The following ALK variants were observed in gnomAD, a reference collection of about 807,000 sequenced individuals.
The protein encoded by ALK is ALK receptor tyrosine kinase.
A neutral mutation model predicts 163.1 loss-of-function variants in ALK; 74 were observed. The observed-to-expected ratio is 0.45, with a 90% CI of 0.38 to 0.55. The LOEUF is 0.55. ALK is among the 20% of genes least tolerant of loss of function. The pLI, the probability that ALK is intolerant of heterozygous loss-of-function variation, is 0.00. For synonymous variants in ALK, 960 were observed against 843.2 expected (o/e 1.14, Z -2.40); for missense variants, 2,063 against 2,105.3 (o/e 0.98, Z 0.39).
chr2:29,806,960 C>T (rs1030807334), intron 1 of ALK, among the ~76,000 whole-genome samples: 1 of 152,204 alleles, frequency 6.6e-6, no homozygotes, highest in African/African-American at 2.4e-5. Flanking sequence ...CACATGTGCA[C>T]GTGCACGCAC....
intron 4 of ALK, among the ~76,000 whole-genome samples, chr2:29,456,709 TTTATG>T (rs1670964623): frequency 6.6e-6 from 1 of 152,196 alleles, no homozygotes; most frequent in South Asian, 2.1e-4. Flanking sequence ...AATGGTAAAT[TTTATG>T]TTATATGTAT....
intron 8 of ALK, among the ~76,000 whole-genome samples, chr2:29,314,731 CG>C (rs1473496463): frequency 6.6e-6 from 1 of 152,140 alleles, no homozygotes; most frequent in Admixed American, 6.5e-5. Flanking sequence ...GGCCTGAGAA[CG>C]TGGTTTAAAT....
intron 1 of ALK, among the ~76,000 whole-genome samples, chr2:29,792,542 C>A (rs1225670716): frequency 6.6e-6 from 1 of 152,084 alleles, no homozygotes; most frequent in Admixed American, 6.6e-5. Flanking sequence ...GTATTTCACA[C>A]ATCTTTAGAT....
At chr2:29,565,489 A>G (rs1462529954) in intron 3 of ALK, among the ~76,000 whole-genome samples, 1 of 152,210 alleles carries the variant, frequency 6.6e-6, no homozygotes, top group Non-Finnish European at 1.5e-5. Context: ...GGTATCAAGC[A>G]GGTGGATTAT....
intron 4 of ALK, among the ~76,000 whole-genome samples, chr2:29,527,055 GTTGCTGGCAT>G (rs1441930578): frequency 6.6e-6 from 1 of 152,196 alleles, no homozygotes; most frequent in African/African-American, 2.4e-5. Context: ...CTGAGGATAG[GTTGCTGGCAT>G]TGCCAGGACA....
chr2:29,799,373 T>C (rs1664404053), intron 1 of ALK, among the ~76,000 whole-genome samples: 1 of 152,088 alleles, frequency 6.6e-6, no homozygotes, highest in South Asian at 2.1e-4. Flanking sequence ...AAAACACTAA[T>C]AAAGTAATAG....
At chr2:29,276,869 T>C (rs538024677) in intron 9 of ALK, among the ~76,000 whole-genome samples, 1 of 152,274 alleles carries the variant, frequency 6.6e-6, no homozygotes, top group African/African-American at 2.4e-5. Flanking sequence ...ACCTAGGCTT[T>C]TTTTGGGGTG....
At chr2:29,196,966 G>A (rs955310322) in intron 27 of ALK, 106 bp from the exon 28 acceptor site, 8 of 895,550 alleles carry the variant, frequency 8.9e-6, no homozygotes, top group Admixed American at 1.9e-5. Flanking sequence ...GTGCGAACTC[G>A]TCTAGGCCCC....
intron 23 of ALK, 134 bp downstream of exon 23, chr2:29,220,572 C>G (rs1669773128): frequency 4.0e-6 from 5 of 1,261,556 alleles, no homozygotes; most frequent in East Asian, 2.5e-5. Context: ...GTCAGTCACC[C>G]CCCTGTCCAA....
intron 1 of ALK, among the ~76,000 whole-genome samples, chr2:29,854,126 T>G (rs1666079133): frequency 6.6e-6 from 1 of 152,096 alleles, no homozygotes; most frequent in South Asian, 2.1e-4. Context: ...GATGGGTCTT[T>G]CTCGCACGTC....
chr2:29,738,156 A>C (rs915901283), intron 1 of ALK, among the ~76,000 whole-genome samples: 16 of 151,954 alleles, frequency 1.1e-4, no homozygotes, highest in Admixed American at 9.8e-4. Flanking sequence ...TTCATCAAAT[A>C]CTACCTGAGC....
At chr2:29,584,345 A>G (rs113757973) in intron 3 of ALK, among the ~76,000 whole-genome samples, 2,547 of 152,298 alleles carry the variant, frequency 0.017, 26 homozygotes, top group Middle Eastern at 0.024. Flanking sequence ...ATCTGAGAAA[A>G]GTTAATGGTT....
At chr2:29,327,609 G>T (rs1484608011) in intron 6 of ALK, among the ~76,000 whole-genome samples, 3 of 152,178 alleles carry the variant, frequency 2.0e-5, no homozygotes, top group African/African-American at 7.2e-5. Context: ...TTTTCGGGGT[G>T]ATAAAAATGT....
intron 5 of ALK, among the ~76,000 whole-genome samples, chr2:29,333,315 C>T (rs374963702): frequency 6.6e-6 from 1 of 152,102 alleles, no homozygotes; most frequent in African/African-American, 2.4e-5. Context: ...GAGGTTTCGC[C>T]ATGTTGGCCA....
At chr2:29,395,833 G>C (rs1345925970) in intron 4 of ALK, among the ~76,000 whole-genome samples, 1 of 152,138 alleles carries the variant, frequency 6.6e-6, no homozygotes, top group Non-Finnish European at 1.5e-5. Flanking sequence ...TCCCCCTTCT[G>C]TCTATTAGCC....
At chr2:29,388,684 A>G (rs942825295) in intron 4 of ALK, among the ~76,000 whole-genome samples, 6 of 152,216 alleles carry the variant, frequency 3.9e-5, no homozygotes, top group Non-Finnish European at 8.8e-5. Context: ...AGCTATTCCT[A>G]TGGAAACCAC....
At chr2:29,650,703 C>G (rs999072660) in intron 3 of ALK, among the ~76,000 whole-genome samples, 1 of 152,074 alleles carries the variant, frequency 6.6e-6, no homozygotes, top group Non-Finnish European at 1.5e-5. Flanking sequence ...TAACCATACC[C>G]GATGAGGTCT....
chr2:29,764,277 A>G (rs1308651913), intron 1 of ALK, among the ~76,000 whole-genome samples: 1 of 152,116 alleles, frequency 6.6e-6, no homozygotes, highest in Non-Finnish European at 1.5e-5. Context: ...GTCCAGCCAG[A>G]GAGGTGCCTG....
In ALK at chr2:29,805,264, T is replaced by C. The variant is rs185120758; in HGVS notation, c.668-87567A>G. ...CTACAGGATAGAAGCACTATACAAATAGGCTCGAGCTCCTGGGAGCACTAT... is the reference window on the plus strand; with the variant it reads ...CTACAGGATAGAAGCACTATACAAACAGGCTCGAGCTCCTGGGAGCACTAT... On this transcript the variant is annotated intron_variant, in intron 1 of 28. Transcript: ENST00000389048. 2.2e-3 allele frequency among the ~76,000 whole-genome samples: 330 copies of C among 152,330 alleles called. 2 individuals are homozygous for C. Among genetic ancestry groups the C allele is most frequent in the African/African-American group, 7.3e-3 (303 of 41,582 alleles).
Sources: allele counts gnomAD v4.1 joint callset (sites outside exome capture counted in the v4.1 genomes callset), GRCh38; gene constraint gnomAD v4.1.1; transcripts MANE v1.5; gene names NCBI Gene and HGNC (gene_info 2026-07-23, HGNC 2026-07-21).